The following USP28 variants were observed in gnomAD, a reference collection of about 807,000 sequenced individuals.
The protein encoded by USP28 is ubiquitin carboxyl-terminal hydrolase 28.
A neutral mutation model predicts 145.0 loss-of-function variants in USP28; 113 were observed. The ratio of observed to expected loss-of-function variants is 0.78; its 90% CI spans 0.67 to 0.91. USP28 has a LOEUF of 0.91. USP28 is among the 40% of genes least tolerant of loss of function. The pLI is 0.00. For synonymous variants in USP28, 447 were observed against 450.9 expected (o/e 0.99, Z 0.11); for missense variants, 1,201 against 1,289.6 (o/e 0.93, Z 1.05).
chr11:113,833,010 A>G (rs1448115387), intron 7 of USP28, among the ~76,000 whole-genome samples: 1 of 152,166 alleles, frequency 6.6e-6, no homozygotes, highest in African/African-American at 2.4e-5. Flanking sequence ...AAAGCTCCTG[A>G]ACTCAGGTTT....
chr11:113,802,675 C>T (rs768101876), intron 23 of USP28, among the ~76,000 whole-genome samples: 43 of 152,334 alleles, frequency 2.8e-4, no homozygotes, highest in Non-Finnish European at 4.7e-4. Flanking sequence ...AGGACCAATT[C>T]TTACAGTTCC....
At chr11:113,830,178 T>A (rs943123197) in intron 9 of USP28, among the ~76,000 whole-genome samples, 2 of 150,988 alleles carry the variant, frequency 1.3e-5, no homozygotes, top group Non-Finnish European at 3.0e-5. Flanking sequence ...GGGTCCTGAC[T>A]AAAACAAACT....
At chr11:113,815,120 T>C (rs1261303041) in intron 14 of USP28, 54 bp downstream of exon 14, 2 of 1,531,646 alleles carry the variant, frequency 1.3e-6, no homozygotes, top group African/African-American at 1.4e-5. Context: ...AACCTCCAAA[T>C]AGTCAAAAAA....
intron 14 of USP28, among the ~76,000 whole-genome samples, chr11:113,814,550 T>C (rs4348938): frequency 6.6e-6 from 1 of 152,082 alleles, no homozygotes; most frequent in South Asian, 2.1e-4. Context: ...AAAAGCTAAA[T>C]GCTAAATCTG....
At chr11:113,874,263 C>T (rs1949134672) in intron 1 of USP28, among the ~76,000 whole-genome samples, 1 of 151,434 alleles carries the variant, frequency 6.6e-6, no homozygotes, top group African/African-American at 2.4e-5. Context: ...ACCAGCCTGA[C>T]CAATATGGTG....
At chr11:113,821,278 G>T in intron 12 of USP28, 1 of 223,046 alleles carries the variant, frequency 4.5e-6, no homozygotes, top group South Asian at 8.2e-5. Context: ...TACTCGTTAT[G>T]AAGCACATCT....
chr11:113,818,528 T>A (rs1231269684), intron 12 of USP28, among the ~76,000 whole-genome samples: 1 of 152,158 alleles, frequency 6.6e-6, no homozygotes, highest in Non-Finnish European at 1.5e-5. Context: ...TCCCAAGAGA[T>A]TTTTTTCTTT....
At chr11:113,820,160 A>T (rs1233821359) in intron 12 of USP28, 1 of 152,180 alleles carries the variant, frequency 6.6e-6, no homozygotes, top group African/African-American at 2.4e-5. Context: ...TTAACCTACC[A>T]ACTGGGACCT....
intron 7 of USP28, 129 bp downstream of exon 7, chr11:113,833,291 A>T: frequency 3.8e-6 from 5 of 1,321,430 alleles, no homozygotes; most frequent in Non-Finnish European, 5.2e-6. Context: ...GCAAAACAAA[A>T]GTCAGAAACG....
intron 12 of USP28, chr11:113,821,104 C>T (rs2135653351): frequency 8.2e-6 from 2 of 244,208 alleles, no homozygotes; most frequent in South Asian, 6.3e-5. Flanking sequence ...GATGAAAGTA[C>T]TGGGGCTTTG....
chr11:113,798,065 GGTTTTTTTTTTTT>G (rs1938245238), exon 25 of USP28: 2 of 96,968 alleles, frequency 2.1e-5, no homozygotes, highest in African/African-American at 7.3e-5. Flanking sequence ...TATGTATGCT[GGTTTTTTTTTTTT>G]TTTTTTTTTT....
At chr11:113,866,424 T>C (rs971873178) in intron 1 of USP28, among the ~76,000 whole-genome samples, 2 of 152,236 alleles carry the variant, frequency 1.3e-5, no homozygotes, top group African/African-American at 4.8e-5. Flanking sequence ...AAACTCTCTT[T>C]GAACTCCCTT....
At chr11:113,812,683 T>C (rs1218734094) in intron 15 of USP28, among the ~76,000 whole-genome samples, 179 bp from the exon 16 acceptor site, 1 of 152,208 alleles carries the variant, frequency 6.6e-6, no homozygotes, top group Non-Finnish European at 1.5e-5. Flanking sequence ...TATGTCTCAG[T>C]TCCAAAACCT....
At chr11:113,849,489 T>C (rs954747524) in intron 3 of USP28, among the ~76,000 whole-genome samples, 12 of 151,272 alleles carry the variant, frequency 7.9e-5, no homozygotes, top group African/African-American at 2.9e-4. Flanking sequence ...TACTCACTTA[T>C]GGGCAGTGGC....
At chr11:113,863,869 C>T (rs1157277963) in intron 1 of USP28, among the ~76,000 whole-genome samples, 2 of 150,706 alleles carry the variant, frequency 1.3e-5, no homozygotes, top group Admixed American at 6.6e-5. Flanking sequence ...GGCATGAACC[C>T]GGGAGGCGGA....
intron 23 of USP28, 38 bp downstream of exon 24, chr11:113,803,117 AAAC>A: frequency 6.3e-7 from 1 of 1,582,676 alleles, no homozygotes; most frequent in Non-Finnish European, 8.6e-7. Flanking sequence ...GAGCAGAGGT[AAAC>A]AACAAAAAAA....
chr11:113,817,862 C>A (rs1411661420), intron 12 of USP28, 25 bp from the exon 13 acceptor site: 1 of 1,610,216 alleles, frequency 6.2e-7, no homozygotes, highest in African/African-American at 1.4e-5. Context: ...CAGTGGTACT[C>A]TACTGCCCAA....
intron 13 of USP28, 123 bp downstream of exon 13, chr11:113,817,535 G>T: frequency 1.7e-6 from 2 of 1,164,990 alleles, no homozygotes; most frequent in Non-Finnish European, 2.4e-6. Flanking sequence ...TTCCCTTTAA[G>T]ACAAAGAGCT....
At chr11:113,869,170 C>A (rs1017982993) in intron 1 of USP28, among the ~76,000 whole-genome samples, 1 of 152,090 alleles carries the variant, frequency 6.6e-6, no homozygotes, top group Non-Finnish European at 1.5e-5. Flanking sequence ...CGGTGGCTCA[C>A]GCCTATAATC....
Sources: allele counts gnomAD v4.1 joint callset (sites outside exome capture counted in the v4.1 genomes callset), GRCh38; gene constraint gnomAD v4.1.1; transcripts MANE v1.5; gene names NCBI Gene and HGNC (gene_info 2026-07-23, HGNC 2026-07-21).